GPR39: variants seen among roughly 807,000 people sequenced by gnomAD.
GPR39 encodes the protein zinc sensing receptor.
In GPR39, 23 loss-of-function variants were observed where a neutral mutation model predicts 18.4. The observed-to-expected ratio is 1.25, with a 90% CI of 0.90 to 1.77. The LOEUF is 1.77. Ranked by LOEUF, GPR39 falls within the 40% of genes most tolerant of loss-of-function variation. The pLI, the probability that GPR39 is intolerant of heterozygous loss-of-function variation, is 0.00. For synonymous variants in GPR39, 280 were observed against 257.9 expected (o/e 1.09, Z -0.82); for missense variants, 647 against 602.4 (o/e 1.07, Z -0.78).
intron 1 of GPR39, among the ~76,000 whole-genome samples, chr2:132,518,607 C>T (rs576725778): frequency 1.1e-3 from 167 of 152,098 alleles, no homozygotes; most frequent in African/African-American, 3.9e-3. Context: ...TTAACTGAGC[C>T]TTGACAGTGC....
chr2:132,561,280 G>A (rs1680248316), intron 1 of GPR39, among the ~76,000 whole-genome samples: 1 of 151,848 alleles, frequency 6.6e-6, no homozygotes, highest in Non-Finnish European at 1.5e-5. Context: ...TTTCCTCCTG[G>A]GTCCCACTCC....
chr2:132,475,978 G>A (rs1681118363), intron 1 of GPR39, among the ~76,000 whole-genome samples: 1 of 152,130 alleles, frequency 6.6e-6, no homozygotes, highest in Non-Finnish European at 1.5e-5. Context: ...TCAACTGCAG[G>A]TGAAAGCTTG....
intron 1 of GPR39, among the ~76,000 whole-genome samples, chr2:132,580,976 A>C (rs1000079498): frequency 1.4e-5 from 2 of 148,036 alleles, no homozygotes; most frequent in Admixed American, 6.6e-5. Context: ...AAAAAAACAA[A>C]AAAAAAAACA....
intron 1 of GPR39, among the ~76,000 whole-genome samples, chr2:132,479,983 T>C (rs544193475): frequency 1.3e-5 from 2 of 152,134 alleles, no homozygotes; most frequent in Admixed American, 6.5e-5. Flanking sequence ...GTACAGCCAC[T>C]GTGGAAAACA....
chr2:132,645,940 TACCCAGAATAAAAGGAC>T lies in GPR39; in HGVS notation c.*343_*359del. 6.0e-6 allele frequency: 5 copies of T among 834,436 alleles called. No homozygotes were observed. The highest frequency in any genetic ancestry group is 5.5e-5 in the East Asian group (2 of 36,646). The allele number at this position is 834,436 out of a possible 1,614,324, so 51.7% of individuals were successfully genotyped here. ...AAAGAGAACACGGACTCCCGCTCCC[TACCCAGAATAAAAGGAC>T]ACCCAGAAGAAACTCACTCAGGGAG... On this transcript the variant is annotated 3_prime_UTR_variant, in exon 2 of 2. Coordinates refer to ENST00000329321, the MANE Select transcript of GPR39 (RefSeq NM_001508.3).
chr2:132,539,631 G>C (rs1679826734), intron 1 of GPR39, among the ~76,000 whole-genome samples: 1 of 152,272 alleles, frequency 6.6e-6, no homozygotes, highest in Admixed American at 6.5e-5. Context: ...ATTTTATTTT[G>C]TTCATAATGT....
At chr2:132,484,845 G>T (rs1020388334) in intron 1 of GPR39, among the ~76,000 whole-genome samples, 1 of 152,210 alleles carries the variant, frequency 6.6e-6, no homozygotes, top group Non-Finnish European at 1.5e-5. Flanking sequence ...AGAAAATCGA[G>T]TATTAAGTTC....
intron 1 of GPR39, among the ~76,000 whole-genome samples, chr2:132,427,103 A>C (rs2076880): frequency 0.01 from 1,042 of 102,626 alleles, 27 homozygotes; most frequent in Admixed American, 0.062. Context: ...ATATAGGTAC[A>C]TATATATATA....
chr2:132,598,436 T>TTTC (rs1228031956), intron 1 of GPR39, among the ~76,000 whole-genome samples: 7 of 143,116 alleles, frequency 4.9e-5, no homozygotes, highest in Non-Finnish European at 9.1e-5. Context: ...GTGAACTTTT[T>TTTC]TTTTTTTTTT....
chr2:132,623,194 A>T (rs528474788), intron 1 of GPR39, among the ~76,000 whole-genome samples: 2 of 152,318 alleles, frequency 1.3e-5, no homozygotes, highest in African/African-American at 4.8e-5. Flanking sequence ...GGAAAAAAAA[A>T]GTCAGAGCTC....
chr2:132,509,426 TATC>T (rs757579509), intron 1 of GPR39, among the ~76,000 whole-genome samples: 3 of 120,632 alleles, frequency 2.5e-5, no homozygotes, highest in Admixed American at 9.7e-5. Flanking sequence ...TAATCTCAAA[TATC>T]ATATACACAC....
At chr2:132,458,254 G>T (rs188751882) in intron 1 of GPR39, among the ~76,000 whole-genome samples, 71 of 152,074 alleles carry the variant, frequency 4.7e-4, no homozygotes, top group African/African-American at 1.7e-3. Context: ...TTCCTATTTG[G>T]CCATCTTCTG....
chr2:132,417,001 G>A lies in GPR39; in HGVS notation c.-42G>A, dbSNP rs768190136. ...GACGCTGCTGGGAGGAGAAAGGGAA[G>A]TTGAGAAAGTCTTTGGACCTGGTAG... On this transcript the variant is annotated 5_prime_UTR_variant, in exon 1 of 2. Transcript: ENST00000329321. 1.4e-5 allele frequency: 23 copies of A among 1,592,174 alleles called. No homozygotes were observed. The Admixed American group carries it at 3.4e-4, about 24-fold the overall frequency.
intron 1 of GPR39, among the ~76,000 whole-genome samples, chr2:132,419,790 G>A (rs1573592570): frequency 6.6e-6 from 1 of 152,094 alleles, no homozygotes; most frequent in African/African-American, 2.4e-5. Flanking sequence ...GAATTAGGGG[G>A]TAGATAAGCA....
intron 1 of GPR39, among the ~76,000 whole-genome samples, chr2:132,505,525 A>G (rs1324323736): frequency 6.6e-6 from 1 of 152,192 alleles, no homozygotes; most frequent in Admixed American, 6.5e-5. Context: ...TGTACTCATT[A>G]ACCAACCTCT....
At chr2:132,460,155 T>C (rs4953982) in intron 1 of GPR39, among the ~76,000 whole-genome samples, 32,145 of 152,134 alleles carry the variant, frequency 0.21, 3,733 homozygotes, top group Middle Eastern at 0.37. Context: ...TGTCTCCTCA[T>C]CTCTACCCTT....
chr2:132,624,171 C>T (rs1235272214), intron 1 of GPR39, among the ~76,000 whole-genome samples: 1 of 152,126 alleles, frequency 6.6e-6, no homozygotes, highest in African/African-American at 2.4e-5. Flanking sequence ...GCTCTTGGGG[C>T]TTCTCTCCTT....
At chr2:132,608,553 C>T (rs1207414626) in intron 1 of GPR39, among the ~76,000 whole-genome samples, 1 of 152,158 alleles carries the variant, frequency 6.6e-6, no homozygotes, top group Non-Finnish European at 1.5e-5. Context: ...GCTGAGTGGC[C>T]GTGTCACAGG....
chr2:132,492,233 CAT>C (rs970209008), intron 1 of GPR39, among the ~76,000 whole-genome samples: 2 of 135,734 alleles, frequency 1.5e-5, no homozygotes, highest in African/African-American at 5.6e-5. Context: ...ATATATATAC[CAT>C]ATATATACAT....
Sources: gnomAD v4.1 joint callset for allele counts (sites outside exome capture counted in the v4.1 genomes callset) on GRCh38, gnomAD v4.1.1 for gene constraint, MANE v1.5 for transcripts, NCBI Gene and HGNC (gene_info 2026-07-23, HGNC 2026-07-21) for gene names.